The following MAF variants were observed in gnomAD, a reference collection of about 807,000 sequenced individuals.
The protein encoded by MAF is MAF bZIP transcription factor.
Under a neutral mutation model 22.0 loss-of-function variants are expected in MAF, and 10 were observed. That is an observed-to-expected ratio of 0.45 (90% confidence interval 0.28 to 0.77). The LOEUF (loss-of-function observed/expected upper bound fraction) is 0.77, where lower values mean the gene tolerates loss of function less well. Ranked by LOEUF, MAF falls within the 30% of genes least tolerant of loss-of-function variation. The pLI, the probability that MAF is intolerant of heterozygous loss-of-function variation, is 0.12. For synonymous variants in MAF, 337 were observed against 255.8 expected (o/e 1.32, Z -3.03); for missense variants, 544 against 548.4 (o/e 0.99, Z 0.08).
At chr16:79,488,549 G>A in the MAF span, among the ~76,000 whole-genome samples, 2 of 152,102 alleles carry the variant, frequency 1.3e-5, no homozygotes, top group African/African-American at 4.8e-5. Flanking sequence ...ACAAGGAACG[G>A]GTCGAACATG....
the MAF span, among the ~76,000 whole-genome samples, chr16:79,400,362 C>T: frequency 6.6e-6 from 1 of 152,194 alleles, no homozygotes; most frequent in Non-Finnish European, 1.5e-5. Context: ...CATTTCTGAA[C>T]ATCACTCTGC....
the MAF span, among the ~76,000 whole-genome samples, chr16:79,555,371 G>A: frequency 6.6e-6 from 1 of 152,130 alleles, no homozygotes; most frequent in African/African-American, 2.4e-5. Context: ...AATGTCTTTT[G>A]ATACCTGATC....
At chr16:79,561,876 T>C in the MAF span, among the ~76,000 whole-genome samples, 2 of 152,212 alleles carry the variant, frequency 1.3e-5, no homozygotes. Context: ...CCTTCATTTA[T>C]ACAGAAAATA....
At chr16:79,544,188 T>A in the MAF span, among the ~76,000 whole-genome samples, 2 of 152,216 alleles carry the variant, frequency 1.3e-5, no homozygotes, top group African/African-American at 4.8e-5. Flanking sequence ...GAGGAGCAAC[T>A]ATTAAATTTA....
chr16:79,229,349 G>A, the MAF span: 14 of 151,718 alleles, frequency 9.2e-5, no homozygotes, highest in African/African-American at 3.4e-4. Context: ...GGCTCCTCCG[G>A]AAAGCAGGCA....
the MAF span, among the ~76,000 whole-genome samples, chr16:79,565,895 A>C: frequency 6.6e-6 from 1 of 152,188 alleles, no homozygotes; most frequent in Non-Finnish European, 1.5e-5. Context: ...AGGAAACTGA[A>C]GTTCAGAAAG....
At chr16:79,273,334 A>G in the MAF span, among the ~76,000 whole-genome samples, 2 of 152,168 alleles carry the variant, frequency 1.3e-5, no homozygotes, top group Admixed American at 6.5e-5. Context: ...AAAGGCATTT[A>G]AAGTGGACGT....
chr16:79,594,510 T>G lies in MAF; in HGVS notation c.1162A>C (p.Thr388Pro), dbSNP rs1177937115. Residue 388 changes from threonine to proline, a missense_variant, in exon 2 of 2, where the codon ACA becomes CCA. Physicochemically the swap from Thr to Pro is conservative, Grantham distance 38 (BLOSUM62 -1). Around this residue, in one of 5 missense-constraint regions of MAF, gnomAD observed 129 missense variants for 113.6 expected, o/e 1.14. Coordinates refer to ENST00000326043, the MANE Select transcript of MAF (RefSeq NM_005360.5). ...ACACGATGCTGGGGCTTCCAAAATG[T>G]GGCGTATCCCACTGATGGCTCCAAC... ...RKLEPSVGYA[T>P]FWKPQHRVLT... is the part of the protein sequence containing the mutation. 6.4e-7 allele frequency: 1 copy of G among 1,567,374 alleles called. No individual in the cohort carries two copies. Among genetic ancestry groups the G allele is most frequent in the Non-Finnish European group, 8.7e-7 (1 of 1,153,308 alleles).
At chr16:79,448,991 T>TATAC in the MAF span, among the ~76,000 whole-genome samples, 5 of 152,172 alleles carry the variant, frequency 3.3e-5, no homozygotes, top group Non-Finnish European at 2.9e-5. Flanking sequence ...CAACTCACCA[T>TATAC]AACATAGAAC....
the MAF span, among the ~76,000 whole-genome samples, chr16:79,289,867 T>TTTTTTTTTTC: frequency 0.018 from 2,142 of 118,456 alleles, 184 homozygotes; most frequent in African/African-American, 0.065. Context: ...TTTTTTTTTT[T>TTTTTTTTTTC]TGTGAGACGG....
the MAF span, among the ~76,000 whole-genome samples, chr16:79,540,442 C>T: frequency 1.3e-5 from 2 of 152,182 alleles, no homozygotes; most frequent in Non-Finnish European, 2.9e-5. Context: ...AGATCAGTTA[C>T]TCTGAAGACA....
At chr16:79,440,284 G>C in the MAF span, among the ~76,000 whole-genome samples, 1 of 152,226 alleles carries the variant, frequency 6.6e-6, no homozygotes, top group Non-Finnish European at 1.5e-5. Context: ...CATATTCACA[G>C]AGCCAGAAGG....
At chr16:79,531,439 T>G in the MAF span, among the ~76,000 whole-genome samples, 3 of 152,032 alleles carry the variant, frequency 2.0e-5, no homozygotes, top group African/African-American at 7.2e-5. Flanking sequence ...ATTACATTAT[T>G]GTGCATTTTA....
At chr16:79,549,478 A>G in the MAF span, among the ~76,000 whole-genome samples, 1 of 152,218 alleles carries the variant, frequency 6.6e-6, no homozygotes, top group African/African-American at 2.4e-5. Context: ...ACTGCAGGTC[A>G]TTAATGTCAA....
the MAF span, among the ~76,000 whole-genome samples, chr16:79,376,447 C>T: frequency 6.6e-6 from 1 of 152,076 alleles, no homozygotes; most frequent in African/African-American, 2.4e-5. Context: ...ATATAAGCCC[C>T]CATAGAAACA....
the MAF span, among the ~76,000 whole-genome samples, chr16:79,284,325 G>A: frequency 4.9e-4 from 75 of 152,250 alleles, 1 homozygote; most frequent in Non-Finnish European, 9.8e-4. Context: ...TGAAGGACGG[G>A]TACTACTTCC....
chr16:79,272,531 A>C, the MAF span, among the ~76,000 whole-genome samples: 183 of 152,196 alleles, frequency 1.2e-3, 1 homozygote, highest in Non-Finnish European at 8.8e-5. Flanking sequence ...GCGCCGCTCC[A>C]TGCGGATGCC....
the MAF span, among the ~76,000 whole-genome samples, chr16:79,279,939 G>T: frequency 2.0e-5 from 3 of 152,080 alleles, no homozygotes; most frequent in Admixed American, 2.0e-4. Context: ...TACGGGGCTT[G>T]CCCGGGACAC....
At chr16:79,543,943 C>T in the MAF span, among the ~76,000 whole-genome samples, 2 of 152,144 alleles carry the variant, frequency 1.3e-5, no homozygotes, top group African/African-American at 2.4e-5. Flanking sequence ...GCCTCGGCCT[C>T]CCAAAGTGCA....
Sources: gnomAD v4.1 joint callset for allele counts (sites outside exome capture counted in the v4.1 genomes callset) on GRCh38, gnomAD v4.1.1 for gene constraint, gnomAD v4.1.1 regional missense constraint, MANE v1.5 for transcripts, NCBI Gene and HGNC (gene_info 2026-07-23, HGNC 2026-07-21) for gene names.